The following FBXO34 variants were observed in gnomAD, a reference collection of about 807,000 sequenced individuals.
FBXO34 encodes F-box only protein 34.
Under a neutral mutation model 24.5 loss-of-function variants are expected in FBXO34, and 12 were observed. The observed-to-expected ratio is 0.49, with a 90% CI of 0.31 to 0.79. The LOEUF (loss-of-function observed/expected upper bound fraction) is 0.79. Among genes scored for constraint, FBXO34 ranks in the 30% least tolerant of loss-of-function variants. FBXO34 has a pLI of 0.04. For synonymous variants in FBXO34, 320 were observed against 311.9 expected, an observed-to-expected ratio of 1.03 and a Z score of -0.27; for missense variants, 823 against 857.7, an observed-to-expected ratio of 0.96 and a Z score of 0.51.
chr14:55,336,853 AAT>A (rs1883794786), intron 1 of FBXO34, among the ~76,000 whole-genome samples: 1 of 150,270 alleles, frequency 6.7e-6, no homozygotes, highest in Non-Finnish European at 1.5e-5. Flanking sequence ...ACACATATAG[AAT>A]ATATACATGC....
At chr14:55,283,112 C>T (rs1352740261) in intron 1 of FBXO34, among the ~76,000 whole-genome samples, 6 of 152,188 alleles carry the variant, frequency 3.9e-5, no homozygotes, top group Non-Finnish European at 2.9e-5. Context: ...CTACCATCGT[C>T]ACTATATTTT....
intron 1 of FBXO34, among the ~76,000 whole-genome samples, chr14:55,280,554 T>C (rs1265295612): frequency 7.7e-6 from 1 of 129,978 alleles, no homozygotes; most frequent in Non-Finnish European, 1.6e-5. Flanking sequence ...TGAGATGGAG[T>C]CTCACTCTGT....
the FBXO34 span, chr14:55,429,004 T>A: frequency 6.2e-7 from 1 of 1,611,376 alleles, no homozygotes; most frequent in Non-Finnish European, 8.5e-7. Flanking sequence ...TTTAAAGATG[T>A]CTTAATCGCT....
At chr14:55,343,214 G>T (rs1050184833) in intron 1 of FBXO34, among the ~76,000 whole-genome samples, 1 of 147,658 alleles carries the variant, frequency 6.8e-6, no homozygotes, top group Admixed American at 6.8e-5. Context: ...AGGGGCCTTT[G>T]TATACTATTC....
At chr14:55,276,792 G>A (rs986020054) in intron 1 of FBXO34, among the ~76,000 whole-genome samples, 6 of 152,172 alleles carry the variant, frequency 3.9e-5, no homozygotes, top group African/African-American at 1.4e-4. Context: ...TCAATCAGAC[G>A]AATTCTTGGG....
downstream of FBXO34, chr14:55,370,026 G>A (rs189195104): frequency 6.0e-5 from 68 of 1,131,144 alleles, no homozygotes; most frequent in East Asian, 1.1e-3. Flanking sequence ...GATGAGGGAC[G>A]CCGCACACCC....
intron 1 of FBXO34, among the ~76,000 whole-genome samples, chr14:55,342,522 G>A (rs902181505): frequency 3.3e-5 from 5 of 149,626 alleles, no homozygotes; most frequent in Admixed American, 2.6e-4. Flanking sequence ...TTTTCTGACC[G>A]ATAGGGTTAT....
Position 55,351,767 on chromosome 14 carries a change from T to C in FBXO34, c.1377T>C (p.Thr459=). 2.5e-6 allele frequency: 4 copies of C among 1,614,240 alleles called. No homozygotes were observed. In the East Asian group the frequency reaches 8.9e-5, roughly 36 times the overall value. ...AAGAATCTTTGTGCATTAGTATCAC[T>C]GTGTCCAAGGTAGACAAAGACCAGC... ...QRKESLCISI[T]VSKVDKDQPS... is the part of the protein sequence containing the mutation. The change falls in exon 2 of 2, where the codon ACT becomes ACC. Residue 459 remains threonine, a synonymous_variant. Coordinates refer to ENST00000313833, the MANE Select transcript of FBXO34 (RefSeq NM_017943.4).
At chr14:55,288,796 A>T (rs1881847215) in intron 1 of FBXO34, among the ~76,000 whole-genome samples, 1 of 152,232 alleles carries the variant, frequency 6.6e-6, no homozygotes, top group South Asian at 2.1e-4. Flanking sequence ...CACGCCTGTA[A>T]TACCAGCACT....
chr14:55,323,198 A>AT (rs1883210767), intron 1 of FBXO34, among the ~76,000 whole-genome samples: 1 of 42,118 alleles, frequency 2.4e-5, no homozygotes, highest in Non-Finnish European at 3.5e-5. Flanking sequence ...AAAAAAAAAA[A>AT]AAAAAAAAAA....
At chr14:55,324,100 C>A (rs1224913498) in intron 1 of FBXO34, among the ~76,000 whole-genome samples, 2 of 152,078 alleles carry the variant, frequency 1.3e-5, no homozygotes, top group Non-Finnish European at 2.9e-5. Flanking sequence ...CCTCCTCCCC[C>A]CCAGTGGTTG....
the FBXO34 span, among the ~76,000 whole-genome samples, chr14:55,442,416 A>G: frequency 1.3e-5 from 2 of 151,960 alleles, no homozygotes; most frequent in African/African-American, 4.8e-5. Flanking sequence ...GTACAGAGGC[A>G]GACATAAAAT....
intron 1 of FBXO34, among the ~76,000 whole-genome samples, chr14:55,287,589 A>G (rs1051042704): frequency 2.5e-4 from 38 of 152,136 alleles, no homozygotes. Flanking sequence ...TTCAGTCCCC[A>G]CCTATGATGT....
chr14:55,392,715 C>T, the FBXO34 span, among the ~76,000 whole-genome samples: 1 of 151,490 alleles, frequency 6.6e-6, no homozygotes, highest in Non-Finnish European at 1.5e-5. Context: ...TCTAATGACT[C>T]CGTAAAGTGA....
chr14:55,430,587 G>T, the FBXO34 span, among the ~76,000 whole-genome samples: 1 of 151,874 alleles, frequency 6.6e-6, no homozygotes, highest in Non-Finnish European at 1.5e-5. Context: ...ATAGAGACAG[G>T]GTCTTGCTGT....
the FBXO34 span, among the ~76,000 whole-genome samples, chr14:55,406,787 A>G: frequency 1.2e-4 from 19 of 152,306 alleles, 1 homozygote; most frequent in East Asian, 3.3e-3. Flanking sequence ...AGCTGACCTA[A>G]GCAGACCACT....
At chr14:55,302,308 A>G (rs1255871825) in intron 1 of FBXO34, among the ~76,000 whole-genome samples, 6 of 152,202 alleles carry the variant, frequency 3.9e-5, no homozygotes, top group African/African-American at 1.4e-4. Context: ...ATAGGTAGAT[A>G]GGTAGATTTG....
the FBXO34 span, among the ~76,000 whole-genome samples, chr14:55,424,890 G>A: frequency 6.6e-6 from 1 of 152,184 alleles, no homozygotes; most frequent in Admixed American, 6.6e-5. Flanking sequence ...CTCCAGCCTG[G>A]AGAGGAGGGC....
At chr14:55,383,735 C>T in the FBXO34 span, among the ~76,000 whole-genome samples, 2 of 151,824 alleles carry the variant, frequency 1.3e-5, no homozygotes, top group Non-Finnish European at 2.9e-5. Context: ...CCAGCCTGGG[C>T]AACAGAATGA....
Sources: gnomAD v4.1 joint callset for allele counts (sites outside exome capture counted in the v4.1 genomes callset) on GRCh38, gnomAD v4.1.1 for gene constraint, MANE v1.5 for transcripts, NCBI Gene and HGNC (gene_info 2026-07-23, HGNC 2026-07-21) for gene names.